The following EXD3 variants were observed in gnomAD, a reference collection of about 807,000 sequenced individuals.
EXD3 encodes exonuclease mut-7 homolog.
Under a neutral mutation model 98.0 loss-of-function variants are expected in EXD3, and 92 were observed. The observed-to-expected ratio is 0.94, with a 90% confidence interval of 0.79 to 1.12. The LOEUF is 1.12. Ranked by LOEUF, EXD3 falls within the 50% of genes most tolerant of loss-of-function variation. The probability of loss-of-function intolerance (pLI) is 0.00; values close to 1 mark genes in which losing one functional copy is unlikely to be tolerated. For missense variants in EXD3, 1,222 were observed against 1,191.6 expected (o/e 1.03, Z -0.38); for synonymous variants, 569 against 526.0 (o/e 1.08, Z -1.12).
chr9:137,335,948 C>T (rs1348693367), intron 17 of EXD3, among the ~76,000 whole-genome samples: 1 of 152,106 alleles, frequency 6.6e-6, no homozygotes, highest in African/African-American at 2.4e-5. Flanking sequence ...CCATGGAATA[C>T]TACTCAGCCG....
intron 3 of EXD3, among the ~76,000 whole-genome samples, chr9:137,380,000 G>A (rs764832174): frequency 2.6e-5 from 4 of 151,740 alleles, no homozygotes; most frequent in Admixed American, 1.3e-4. Flanking sequence ...GTCCCAGCCC[G>A]TTGTTCCGGG....
At chr9:137,315,015 G>A (rs543750194) in intron 19 of EXD3, among the ~76,000 whole-genome samples, 1 of 152,310 alleles carries the variant, frequency 6.6e-6, no homozygotes, top group South Asian at 2.1e-4. Flanking sequence ...GTGGACACAA[G>A]GACATGTGGC....
At position 137,393,563 on chromosome 9, in the gene EXD3, G is replaced by A. The variant is rs1001567604; in HGVS notation, c.55+1740C>T. On this transcript the variant is annotated intron_variant, in intron 2 of 21. Transcript: ENST00000340951. The surrounding 1 kb of genome is among the most constrained non-coding windows in gnomAD (Gnocchi z 4.6). ...CTGACCTGGCTACATCAGGGAAGGC[G>A]ACATGCCCGGAGGTGCCCCCACAGC... 7.2e-5 allele frequency among the ~76,000 whole-genome samples: 11 copies of A among 152,224 alleles called. No homozygotes were observed. The highest frequency in any genetic ancestry group is 3.3e-4 in the Admixed American group (5 of 15,290).
chr9:137,343,738 G>A (rs574692611), intron 17 of EXD3, among the ~76,000 whole-genome samples: 44 of 150,320 alleles, frequency 2.9e-4, no homozygotes, highest in Non-Finnish European at 5.3e-4. Flanking sequence ...ACAGACGCCC[G>A]CCACCATGCC....
intron 1 of EXD3, among the ~76,000 whole-genome samples, chr9:137,418,759 G>C (rs545308472): frequency 6.6e-6 from 1 of 151,116 alleles, no homozygotes; most frequent in African/African-American, 2.4e-5. Flanking sequence ...TTTATCTTCT[G>C]AGTAAACAGA....
At chr9:137,339,206 C>A (rs1397420339) in intron 17 of EXD3, among the ~76,000 whole-genome samples, 2 of 152,040 alleles carry the variant, frequency 1.3e-5, no homozygotes, top group East Asian at 3.8e-4. Flanking sequence ...GCCAGGAAGC[C>A]TCACAGGAAG....
chr9:137,376,333 G>A (rs1835899106), intron 3 of EXD3, among the ~76,000 whole-genome samples: 1 of 107,034 alleles, frequency 9.3e-6, no homozygotes, highest in Admixed American at 1.3e-4. Context: ...GACAGAGCAA[G>A]ACTCTGTCTC....
At chr9:137,376,029 T>G (rs189184904) in intron 3 of EXD3, among the ~76,000 whole-genome samples, 327 of 152,120 alleles carry the variant, frequency 2.1e-3, no homozygotes, top group African/African-American at 7.5e-3. Context: ...CTTTCCCCAC[T>G]TCTTACTTAT....
At position 137,351,298 on chromosome 9, in the gene EXD3, G is replaced by A; in HGVS notation, c.1384+20C>T. 2.5e-6 allele frequency: 4 copies of A among 1,603,470 alleles called. No individual in the cohort carries two copies. The highest frequency in any genetic ancestry group is 1.3e-5 in the African/African-American group (1 of 74,838). ...TGCTTTCTTTCTGGACTGGGCAGGGGGCCCCAGGGCTTCACTCACCCAGCT... is the reference window on the plus strand; with the variant it reads ...TGCTTTCTTTCTGGACTGGGCAGGGAGCCCCAGGGCTTCACTCACCCAGCT... On this transcript the variant is annotated intron_variant, in intron 13 of 21. Transcript: ENST00000340951.
chr9:137,309,743 C>G, intron 19 of EXD3, 43 bp from the exon 20 acceptor site: 2 of 1,469,654 alleles, frequency 1.4e-6, no homozygotes, highest in South Asian at 2.4e-5. Flanking sequence ...GGGGCTTCTC[C>G]GGGTGCCCCA....
In EXD3 at chr9:137,352,141, C is replaced by T; in HGVS notation, c.1098G>A (p.Leu366=). ...GGTGGACGTTCTCCCTGGGGATGGG[C>T]AGCTGGTAGTAACGGTCCTTCATGT... The part of the protein sequence containing the change: ...VKDMKDRYYQ[L]PIPRENVHLL... The change falls in exon 12 of 22, where the codon CTG becomes CTA. Residue 366 remains leucine (L), a synonymous_variant. Transcript: ENST00000340951. The T allele has an allele frequency of 3.1e-6, 5 of 1,612,898 alleles. No individual in the cohort carries two copies. The highest frequency in any genetic ancestry group is 2.5e-6 in the Non-Finnish European group (3 of 1,179,776).
chr9:137,335,956 C>A (rs1411697813), intron 17 of EXD3, among the ~76,000 whole-genome samples: 1 of 151,988 alleles, frequency 6.6e-6, no homozygotes, highest in Non-Finnish European at 1.5e-5. Context: ...TACTACTCAG[C>A]CGTAAAAAAG....
chr9:137,324,239 G>T lies in EXD3; in HGVS notation c.1999-96C>A. On this transcript the variant is annotated intron_variant, in intron 17 of 21. Transcript: ENST00000340951. This position sits in a 1 kb window ranked among gnomAD's most constrained non-coding sequence, Gnocchi z 4.1. ...CCACCCCCTAGCTCCCCGGATCGTG[G>T]CCCTGCCCCAGGCCCCTTTTGTCCT... The T allele has an allele frequency of 9.0e-7, 1 of 1,105,446 alleles. No homozygotes were observed. The highest frequency in any genetic ancestry group is 1.3e-6 in the Non-Finnish European group (1 of 758,202). 68.5% of individuals were successfully genotyped at this position (1,105,446 alleles called of 1,614,324 possible). A position where few individuals can be genotyped will look rare whatever the true frequency, so the allele number is the denominator to read the frequency against.
intron 19 of EXD3, among the ~76,000 whole-genome samples, chr9:137,318,442 C>G (rs907906971): frequency 1.3e-5 from 2 of 152,154 alleles, no homozygotes; most frequent in Admixed American, 1.3e-4. Flanking sequence ...CAGGACGTGT[C>G]CCCGTGGGGG....
At chr9:137,366,783 G>A (rs924751823) in intron 6 of EXD3, among the ~76,000 whole-genome samples, 151 bp from the exon 7 acceptor site, 5 of 152,226 alleles carry the variant, frequency 3.3e-5, no homozygotes, top group Non-Finnish European at 7.3e-5. Flanking sequence ...CAGTGCTCAC[G>A]CTCACACACA....
At chr9:137,386,504 C>A (rs1406391191) in intron 2 of EXD3, among the ~76,000 whole-genome samples, 1 of 151,814 alleles carries the variant, frequency 6.6e-6, no homozygotes, top group Non-Finnish European at 1.5e-5. Flanking sequence ...ACTCCAGATT[C>A]CCAGGGGACT....
intron 3 of EXD3, among the ~76,000 whole-genome samples, chr9:137,379,336 G>A (rs200578783): frequency 9.1e-6 from 1 of 109,648 alleles, no homozygotes; most frequent in Non-Finnish European, 1.7e-5. Context: ...GTCTGTGTGA[G>A]GGGTACAGGG....
chr9:137,411,884 G>A (rs1370280042), intron 1 of EXD3, among the ~76,000 whole-genome samples: 7 of 152,324 alleles, frequency 4.6e-5, no homozygotes, highest in East Asian at 1.9e-4. Context: ...GCCAGGTCAC[G>A]CTTCCTCTGC....
rs1000943745 is a variant in EXD3 at position 137,395,696 on chromosome 9, C to A, written c.-47-292G>T. Among the ~76,000 whole-genome samples the A allele has an allele frequency of 1.3e-5, 2 of 152,096 alleles. No homozygotes were observed. Among genetic ancestry groups the A allele is most frequent in the African/African-American group, 4.8e-5 (2 of 41,422 alleles). On this transcript the variant is annotated intron_variant, in intron 1 of 21. Coordinates refer to ENST00000340951, the MANE Select transcript of EXD3 (RefSeq NM_017820.5). This position sits in a 1 kb window ranked among gnomAD's most constrained non-coding sequence, Gnocchi z 6.5. ...GGGGGGCACAGTAGACAGACCCTCG[C>A]GGGAGTGCAGAGGGGCCTGTTCTTG... is the stretch of plus-strand genomic sequence containing the variant.
Sources: allele counts gnomAD v4.1 joint callset (sites outside exome capture counted in the v4.1 genomes callset), GRCh38; gene constraint gnomAD v4.1.1; non-coding constraint Gnocchi (gnomAD v3.1); transcripts MANE v1.5; gene names NCBI Gene and HGNC (gene_info 2026-07-23, HGNC 2026-07-21).